Variants in KIAA1671 observed in about 807,000 individuals in gnomAD.
KIAA1671 encodes KIAA1671, also known as uncharacterized protein KIAA1671.
A neutral mutation model predicts 131.2 loss-of-function variants in KIAA1671; 52 were observed. That is an observed-to-expected ratio of 0.40 (90% CI 0.32 to 0.50). KIAA1671 has a LOEUF of 0.50. Ranked by LOEUF, KIAA1671 falls within the 20% of genes least tolerant of loss-of-function variation. The pLI is 0.73. For synonymous variants in KIAA1671, 1,003 were observed against 961.6 expected (o/e 1.04, Z -0.80); for missense variants, 2,360 against 2,364.2 (o/e 1.00, Z 0.04).
rs1324955750 is a variant in KIAA1671 at position 25,028,411 on chromosome 22, C to T, written c.412C>T (p.Arg138Trp). 7 of 1,550,828 alleles carry T rather than the reference C, an allele frequency of 4.5e-6. No individual in the cohort carries two copies. Among genetic ancestry groups the T allele is most frequent in the East Asian group, 2.4e-5 (1 of 40,908 alleles). The change falls in exon 3 of 13, where the codon CGG becomes TGG. Residue 138 changes from arginine (R) to tryptophan (W), a missense_variant. Transcript: ENST00000358431. Reference sequence around the variant, plus strand: ...CCTCTTCAACAAGGCTGTGTTCCTGCGGCCCAGCTCCAGCACCATGATTCT... The same window carrying T: ...CCTCTTCAACAAGGCTGTGTTCCTGTGGCCCAGCTCCAGCACCATGATTCT... ...SPLFNKAVFL[R>W]PSSSTMILFE...
intron 5 of KIAA1671, among the ~76,000 whole-genome samples, chr22:25,047,675 G>T (rs1400073782): frequency 6.6e-6 from 1 of 152,194 alleles, no homozygotes. Context: ...GTTTCACCAT[G>T]TTGGCGAGGC....
intron 1 of KIAA1671, among the ~76,000 whole-genome samples, chr22:24,957,965 CTTT>C (rs140702390): frequency 2.6e-5 from 3 of 114,458 alleles, no homozygotes; most frequent in Admixed American, 9.2e-5. Flanking sequence ...GGCACCCGGC[CTTT>C]TTTTTTTTTT....
chr22:25,039,168 G>A lies in KIAA1671; in HGVS notation c.2038G>A (p.Glu680Lys), dbSNP rs1926776472. The A allele has an allele frequency of 4.5e-6, 7 of 1,551,860 alleles. No individual in the cohort carries two copies. Among genetic ancestry groups the A allele is most frequent in the East Asian group, 2.4e-5 (1 of 40,924 alleles). Reference sequence around the variant, plus strand: ...GAACTCCAGAGGGTTTGACAATCCCGAGACGGAGAAATTGGGACCAACCAC... The same window carrying A: ...GAACTCCAGAGGGTTTGACAATCCCAAGACGGAGAAATTGGGACCAACCAC... ...KENSRGFDNP[E>K]TEKLGPTTLL... The change falls in exon 5 of 13, where the codon GAG becomes AAG. Residue 680 changes from glutamate (E) to lysine (K), a missense_variant. By Grantham distance (56) the Glu-to-Lys change is moderately conservative. Transcript: ENST00000358431.
intron 6 of KIAA1671, among the ~76,000 whole-genome samples, chr22:25,089,916 C>T (rs1929939109): frequency 1.3e-5 from 2 of 152,088 alleles, no homozygotes; most frequent in Non-Finnish European, 2.9e-5. Flanking sequence ...TCTAGGTGGG[C>T]TGGGACTGGC....
chr22:25,144,243 A>G (rs1225384052), intron 6 of KIAA1671, among the ~76,000 whole-genome samples: 3 of 152,036 alleles, frequency 2.0e-5, no homozygotes, highest in African/African-American at 7.2e-5. Flanking sequence ...CTTTGTTCCT[A>G]TCTTTACCTC....
intron 6 of KIAA1671, among the ~76,000 whole-genome samples, chr22:25,121,528 T>A (rs1007979940): frequency 6.6e-6 from 1 of 151,850 alleles, no homozygotes; most frequent in Admixed American, 6.6e-5. Flanking sequence ...AATAACAGAT[T>A]AGTTGTAATG....
At position 25,040,598 on chromosome 22, in the gene KIAA1671, C is replaced by T. The variant is rs1018862330; in HGVS notation, c.3468C>T (p.Ser1156=). ...WKESANKMSP[S]GGAPQTTPTL... ...AAAGTGCGAACAAGATGTCCCCCAG[C>T]GGCGGAGCTCCCCAAACCACCCCGA... Residue 1156 remains serine, a synonymous_variant, in exon 5 of 13, where the codon AGC becomes AGT. Transcript: ENST00000358431. The T allele has an allele frequency of 1.1e-4, 174 of 1,551,658 alleles. No individual in the cohort carries two copies. Among genetic ancestry groups the T allele is most frequent in the Non-Finnish European group, 1.4e-4 (161 of 1,147,034 alleles).
chr22:24,973,402 T>TG (rs1569195675), intron 1 of KIAA1671, among the ~76,000 whole-genome samples: 1 of 136,964 alleles, frequency 7.3e-6, no homozygotes, highest in South Asian at 2.5e-4. Context: ...TTTTTTTTTT[T>TG]TTTTTTTTTT....
At chr22:24,957,210 G>A (rs1360670590) in intron 1 of KIAA1671, among the ~76,000 whole-genome samples, 1 of 152,056 alleles carries the variant, frequency 6.6e-6, no homozygotes, top group Non-Finnish European at 1.5e-5. Flanking sequence ...GGGGAGAGAG[G>A]GAGTGACCCA....
At chr22:25,008,276 G>A (rs1219899902) in intron 1 of KIAA1671, among the ~76,000 whole-genome samples, 2 of 150,570 alleles carry the variant, frequency 1.3e-5, no homozygotes, top group African/African-American at 2.4e-5. Flanking sequence ...CCTGGGCAAA[G>A]CCAAGAACCC....
chr22:24,968,738 C>T (rs1468177238), intron 1 of KIAA1671, among the ~76,000 whole-genome samples: 3 of 152,118 alleles, frequency 2.0e-5, no homozygotes, highest in Non-Finnish European at 4.4e-5. Flanking sequence ...TAATCTTATC[C>T]TTTGGGGGAC....
chr22:25,065,467 G>T (rs1928417298), intron 6 of KIAA1671, among the ~76,000 whole-genome samples: 1 of 152,070 alleles, frequency 6.6e-6, no homozygotes, highest in Non-Finnish European at 1.5e-5. Flanking sequence ...CAGGCTGGAA[G>T]ATGGCCTTGC....
At chr22:25,115,021 C>T (rs1438248183) in intron 6 of KIAA1671, among the ~76,000 whole-genome samples, 2 of 152,226 alleles carry the variant, frequency 1.3e-5, no homozygotes, top group Non-Finnish European at 2.9e-5. Context: ...CCCTCAAAGG[C>T]GTGCCCTGAA....
chr22:25,136,536 GGGCAGTACCCTGCTGGGATTTCTGT>G (rs779468970), intron 6 of KIAA1671, among the ~76,000 whole-genome samples: 6 of 152,188 alleles, frequency 3.9e-5, no homozygotes, highest in African/African-American at 7.2e-5. Context: ...TGGGATTTCT[GGGCAGTACCCTGCTGGGATTTCTGT>G]GGCAGTACCC....
chr22:25,028,996 G>A lies in KIAA1671; in HGVS notation c.997G>A (p.Ala333Thr), dbSNP rs1926118305. 2.6e-6 allele frequency: 4 copies of A among 1,515,080 alleles called. No homozygotes were observed. The highest frequency in any genetic ancestry group is 2.8e-5 in the African/African-American group (2 of 71,564). 93.9% of individuals were successfully genotyped at this position (1,515,080 alleles called of 1,614,324 possible). A position where few individuals can be genotyped will look rare whatever the true frequency, so the allele number is the denominator to read the frequency against. ...GCTGGACAGGGACTGTTTGGTCAAG[G>A]CGGAGGCTCCTCTTCATGATCCTGA... The part of the protein sequence containing the change: ...SKLDRDCLVK[A>T]EAPLHDPDLD... Residue 333 changes from alanine (A) to threonine (T), a missense_variant, in exon 3 of 13, where the codon GCG (alanine) becomes ACG (threonine). Coordinates refer to ENST00000358431, the MANE Select transcript of KIAA1671 (RefSeq NM_001145206.2).
chr22:25,057,706 A>C (rs1602104894), intron 6 of KIAA1671: 1 of 149,548 alleles, frequency 6.7e-6, no homozygotes, highest in Non-Finnish European at 1.5e-5. Context: ...GTGCAGTGGC[A>C]CAATCATGGC....
At chr22:25,176,282 G>A (rs1934023956) in intron 8 of KIAA1671, 1 of 152,158 alleles carries the variant, frequency 6.6e-6, no homozygotes, top group Admixed American at 6.5e-5. Context: ...CACCCCATTG[G>A]GACTTTTGTT....
chr22:25,076,038 A>G (rs988495325), intron 6 of KIAA1671, among the ~76,000 whole-genome samples: 1 of 143,796 alleles, frequency 7.0e-6, no homozygotes, highest in African/African-American at 2.8e-5. Flanking sequence ...GGCCTCCCAA[A>G]ATGCTGGGAT....
At chr22:25,083,847 G>A (rs1929542654) in intron 6 of KIAA1671, among the ~76,000 whole-genome samples, 1 of 152,210 alleles carries the variant, frequency 6.6e-6, no homozygotes, top group Admixed American at 6.5e-5. Context: ...AGCTTGCCTG[G>A]GCCCCACCTG....
Sources: allele counts gnomAD v4.1 joint callset (sites outside exome capture counted in the v4.1 genomes callset), GRCh38; gene constraint gnomAD v4.1.1; transcripts MANE v1.5; gene names NCBI Gene and HGNC (gene_info 2026-07-23, HGNC 2026-07-21).